The following HDX variants were observed in gnomAD, a reference collection of about 807,000 sequenced individuals.
The protein encoded by HDX is chromosome X open reading frame 43.
In HDX, 19 loss-of-function variants were observed where a neutral mutation model predicts 45.2. The ratio of observed to expected loss-of-function variants is 0.42; its 90% confidence interval spans 0.29 to 0.62. The LOEUF (loss-of-function observed/expected upper bound fraction) is 0.62. HDX is among the 20% of genes least tolerant of loss of function. The pLI, the probability that HDX is intolerant of heterozygous loss-of-function variation, is 0.20. For missense variants in HDX, 532 were observed against 493.9 expected (o/e 1.08, Z -0.73); for synonymous variants, 188 against 172.8 (o/e 1.09, Z -0.69).
At chrX:84,454,728 C>T (rs777169768) in intron 4 of HDX, among the ~76,000 whole-genome samples, 1 of 110,971 alleles carries the variant, frequency 9.0e-6, no homozygotes, top group South Asian at 3.9e-4. Flanking sequence ...CAAGCATAGG[C>T]AGTAACGAGG....
At chrX:84,335,508 T>A (rs1166949140) in intron 8 of HDX, among the ~76,000 whole-genome samples, 1 of 111,334 alleles carries the variant, frequency 9.0e-6, no homozygotes, top group East Asian at 2.8e-4. Context: ...TATCTCCAAA[T>A]ATCTGCTGCA....
chrX:84,493,435 T>C (rs2040933716), intron 1 of HDX, among the ~76,000 whole-genome samples: 1 of 112,267 alleles, frequency 8.9e-6, no homozygotes, highest in African/African-American at 3.2e-5. Flanking sequence ...CTTAAAATTA[T>C]GTAATTAATA....
chrX:84,334,445 A>C (rs959389286), intron 8 of HDX, among the ~76,000 whole-genome samples: 20 of 110,281 alleles, frequency 1.8e-4, no homozygotes, highest in Admixed American at 1.5e-3. Flanking sequence ...AGAGAGAGGA[A>C]AAGGGAGAAA....
intron 5 of HDX, among the ~76,000 whole-genome samples, chrX:84,378,088 A>G (rs1421109776): frequency 8.9e-6 from 1 of 111,846 alleles, no homozygotes; most frequent in African/African-American, 3.2e-5. Context: ...ACAGGCCAGG[A>G]GATAGTGGCA....
At chrX:84,372,042 A>G (rs762349523) in intron 5 of HDX, among the ~76,000 whole-genome samples, 11 of 112,257 alleles carry the variant, frequency 9.8e-5, no homozygotes, top group Non-Finnish European at 1.9e-4. Context: ...AAAGAATTCT[A>G]TTGTTGATAC....
At position 84,404,947 on chromosome X, in the gene HDX, T is replaced by A. The variant is rs961007960; in HGVS notation, c.1305+35585A>T. Among the ~76,000 whole-genome samples the A allele has an allele frequency of 5.4e-5, 6 of 111,318 alleles. 1 individual carries two copies. In the Admixed American group the frequency reaches 5.8e-4, roughly 11 times the overall value. On this transcript the variant is annotated intron_variant, in intron 5 of 10. Transcript: ENST00000373177. ...TGGGTTTTCTTTTGGAAAAAGGAAA[T>A]CTAGATTTGCCTATACATTGTATGA...
intron 6 of HDX, 146 bp downstream of exon 6, chrX:84,361,320 A>G (rs766527718): frequency 4.7e-6 from 2 of 422,984 alleles, no homozygotes; most frequent in South Asian, 6.1e-5. Context: ...TCCTTATCAG[A>G]TATATGATTT....
At chrX:84,492,272 A>G (rs1420477285) in intron 1 of HDX, among the ~76,000 whole-genome samples, 2 of 109,816 alleles carry the variant, frequency 1.8e-5, no homozygotes, top group African/African-American at 6.7e-5. Flanking sequence ...ATTATTTTCT[A>G]TTTTTTTCTG....
At position 84,367,965 on chromosome X, in the gene HDX, G is replaced by A. The variant is rs139852310; in HGVS notation, c.1306-6353C>T. 7.4e-3 allele frequency among the ~76,000 whole-genome samples: 823 copies of A among 111,544 alleles called. 7 individuals are homozygous for A. Among genetic ancestry groups the A allele is most frequent in the African/African-American group, 0.025 (760 of 30,766 alleles). On this transcript the variant is annotated intron_variant, in intron 5 of 10. Coordinates refer to ENST00000373177, the MANE Select transcript of HDX (RefSeq NM_001177479.2). ...GTATACCTATGTAACAAATCTGCAC[G>A]TTCTGCACATGTATCCCAGAACTTA...
chrX:84,407,414 T>C (rs887101420), intron 5 of HDX, among the ~76,000 whole-genome samples: 7 of 111,699 alleles, frequency 6.3e-5, no homozygotes, highest in African/African-American at 2.3e-4. Context: ...AGCTATACAA[T>C]ACTACATGAT....
At chrX:84,472,476 C>A (rs2040471337) in intron 3 of HDX, among the ~76,000 whole-genome samples, 1 of 110,901 alleles carries the variant, frequency 9.0e-6, no homozygotes, top group African/African-American at 3.3e-5. Flanking sequence ...TTAGAAATTA[C>A]AAAATAGGAG....
chrX:84,501,018 C>CG (rs11375474), intron 1 of HDX, among the ~76,000 whole-genome samples: 45,138 of 110,083 alleles, frequency 0.41, 8,361 homozygotes, highest in African/African-American at 0.72. Context: ...AAAGGAGGAA[C>CG]GTGTGAGAAG....
At chrX:84,448,059 A>G (rs1457083324) in intron 4 of HDX, among the ~76,000 whole-genome samples, 2 of 111,893 alleles carry the variant, frequency 1.8e-5, no homozygotes, top group African/African-American at 6.5e-5. Flanking sequence ...GCTAGAGGAC[A>G]GGCCTTCCTG....
chrX:84,480,935 C>A, intron 2 of HDX, among the ~76,000 whole-genome samples: 1 of 111,122 alleles, frequency 9.0e-6, no homozygotes, highest in Non-Finnish European at 1.9e-5. Flanking sequence ...TCATTTAAAT[C>A]TTTCTTAGAA....
chrX:84,490,365 C>T (rs1044929180), intron 1 of HDX, among the ~76,000 whole-genome samples: 1 of 111,709 alleles, frequency 9.0e-6, no homozygotes, highest in African/African-American at 3.2e-5. Context: ...TCTACGTATC[C>T]ACTAAATTAT....
At chrX:84,330,914 T>C (rs1315311788) in intron 9 of HDX, among the ~76,000 whole-genome samples, 1 of 112,172 alleles carries the variant, frequency 8.9e-6, no homozygotes, top group Non-Finnish European at 1.9e-5. Context: ...TCTAAGTAAA[T>C]CAATGCTTGT....
chrX:84,448,536 T>C (rs1963640225), intron 4 of HDX, among the ~76,000 whole-genome samples: 2 of 110,688 alleles, frequency 1.8e-5, no homozygotes, highest in South Asian at 7.8e-4. Flanking sequence ...ACACTACTGA[T>C]GCTGTTTACA....
At chrX:84,441,372 A>G (rs2039758188) in intron 4 of HDX, among the ~76,000 whole-genome samples, 1 of 111,764 alleles carries the variant, frequency 8.9e-6, no homozygotes, top group Non-Finnish European at 1.9e-5. Flanking sequence ...ATTTATTGCT[A>G]CATGTGTTTT....
intron 2 of HDX, among the ~76,000 whole-genome samples, chrX:84,477,900 G>A (rs970514616): frequency 9.0e-6 from 1 of 111,435 alleles, no homozygotes; most frequent in African/African-American, 3.3e-5. Context: ...AATTTATTTA[G>A]TGTTACCCCC....
Sources: allele counts gnomAD v4.1 joint callset (sites outside exome capture counted in the v4.1 genomes callset), GRCh38; gene constraint gnomAD v4.1.1; transcripts MANE v1.5; gene names NCBI Gene and HGNC (gene_info 2026-07-23, HGNC 2026-07-21).